OPA1: variants seen among roughly 807,000 people sequenced by gnomAD.
OPA1 encodes OPA1 mitochondrial dynamin like GTPase.
In OPA1, 59 loss-of-function variants were observed where a neutral mutation model predicts 152.9. That is an observed-to-expected ratio of 0.39 (90% CI 0.31 to 0.48). The LOEUF is 0.48. Ranked by LOEUF, OPA1 falls within the 20% of genes least tolerant of loss-of-function variation. The pLI is 0.96. For missense variants in OPA1, 1,008 were observed against 1,216.8 expected (o/e 0.83, Z 2.55); for synonymous variants, 400 against 389.9 (o/e 1.03, Z -0.31).
rs1022524955 is a variant in OPA1 at position 193,617,787 on chromosome 3, A to G, written c.560A>G (p.His187Arg). Residue 187 changes from histidine to arginine, a missense_variant, in exon 5 of 31, where the codon CAC becomes CGC. Physicochemically the swap from His to Arg is conservative, Grantham distance 29. Coordinates refer to ENST00000361510, the MANE Select transcript of OPA1 (RefSeq NM_130837.3). ...CCCTTTTGCTGATTTTTCACAGGTC[A>G]CAAATTGGTTAGTGAAGTCATAGGA... is the stretch of plus-strand genomic sequence containing the variant. ...SLLKDFFTSG[H>R]KLVSEVIGAS... 4 of 1,611,408 alleles carry G rather than the reference A, an allele frequency of 2.5e-6. No homozygotes were observed. The highest frequency in any genetic ancestry group is 2.2e-5 in the South Asian group (2 of 90,998).
At chr3:193,604,099 T>C (rs1246910426) in intron 1 of OPA1, among the ~76,000 whole-genome samples, 2 of 152,242 alleles carry the variant, frequency 1.3e-5, no homozygotes, top group African/African-American at 4.8e-5. Context: ...AAACCAGATC[T>C]GATGAAGCTT....
At position 193,662,885 on chromosome 3, in the gene OPA1, G is replaced by A; in HGVS notation, c.2584G>A (p.Ala862Thr). Reference sequence around the variant, plus strand: ...GTTGAAATGTAATGAGGAGCACCCAGCTTATCTTGCAAGTGATGAAATAAC... The same window carrying A: ...GTTGAAATGTAATGAGGAGCACCCAACTTATCTTGCAAGTGATGAAATAAC... Reference protein sequence around the residue: ...KMLKCNEEHPAYLASDEITTV... With the variant: ...KMLKCNEEHPTYLASDEITTV... The change falls in exon 26 of 31, where the codon GCT becomes ACT. Residue 862 changes from alanine to threonine, a missense_variant. Physicochemically the swap from Ala to Thr is moderately conservative, Grantham distance 58. Coordinates refer to ENST00000361510, the MANE Select transcript of OPA1 (RefSeq NM_130837.3). The A allele has an allele frequency of 6.2e-7, 1 of 1,613,508 alleles. No individual in the cohort carries two copies. Among genetic ancestry groups the A allele is most frequent in the East Asian group, 2.2e-5 (1 of 44,860 alleles).
At chr3:193,627,977 T>C (rs911168503) in intron 7 of OPA1, among the ~76,000 whole-genome samples, 4 of 152,114 alleles carry the variant, frequency 2.6e-5, no homozygotes, top group Non-Finnish European at 4.4e-5. Flanking sequence ...AAAAGCAATT[T>C]ATGCTCTTTT....
intron 29 of OPA1, among the ~76,000 whole-genome samples, chr3:193,682,628 T>C (rs1000581131): frequency 1.6e-4 from 24 of 152,210 alleles, no homozygotes; most frequent in African/African-American, 5.8e-4. Context: ...CTGAAAATCC[T>C]AGGGCCCTTA....
rs141017694 is a variant in OPA1 at position 193,682,430 on chromosome 3, AC to A, written c.2984-9632del. Among the ~76,000 whole-genome samples, 467 of 152,334 alleles carry A rather than the reference AC, an allele frequency of 3.1e-3. 3 individuals are homozygous for A. Among genetic ancestry groups the A allele is most frequent in the South Asian group, 0.017 (81 of 4,826 alleles). ...TAAGATAATTGATGAAGGTGATTAT[AC>A]TAAACAACAGATTCTTGATGCAGAT... On this transcript the variant is annotated intron_variant, in intron 29 of 30. Coordinates refer to ENST00000361510, the MANE Select transcript of OPA1 (RefSeq NM_130837.3).
chr3:193,646,379 G>A (rs905657177), intron 18 of OPA1: 5 of 154,128 alleles, frequency 3.2e-5, no homozygotes, highest in African/African-American at 1.2e-4. Context: ...ATATAGAACT[G>A]TGCTGTCTAA....
At chr3:193,645,058 G>A (rs1734336977) in intron 16 of OPA1, among the ~76,000 whole-genome samples, 1 of 151,688 alleles carries the variant, frequency 6.6e-6, no homozygotes, top group African/African-American at 2.4e-5. Flanking sequence ...AGAAGCAGTG[G>A]ATCCAAATAT....
rs757336258 is a variant in OPA1, at chr3:193,689,412, T to C, written c.2984-2651T>C. On this transcript the variant is annotated intron_variant, in intron 29 of 30. Transcript: ENST00000361510. ...GGCATGGTAGTACTGTGTCCTGATA[T>C]TCTAATCGTAAATATTTAAGGGAAA... is the stretch of plus-strand genomic sequence containing the variant. Among the ~76,000 whole-genome samples the C allele has an allele frequency of 3.9e-5, 6 of 152,360 alleles. No individual in the cohort carries two copies. In the East Asian group the frequency reaches 7.7e-4, roughly 20 times the overall value.
intron 29 of OPA1, among the ~76,000 whole-genome samples, chr3:193,676,046 T>C (rs1380245164): frequency 6.6e-6 from 1 of 152,182 alleles, no homozygotes; most frequent in African/African-American, 2.4e-5. Flanking sequence ...CAGTCTGGCT[T>C]TCATCTATAT....
At chr3:193,641,673 G>A (rs943915357) in intron 11 of OPA1, among the ~76,000 whole-genome samples, 1 of 152,188 alleles carries the variant, frequency 6.6e-6, no homozygotes, top group Non-Finnish European at 1.5e-5. Context: ...TCCAACAGCT[G>A]TTTATTGTTT....
chr3:193,614,902 G>A lies in OPA1; in HGVS notation c.212G>A (p.Arg71His), dbSNP rs766106312. 31 of 1,613,688 alleles carry A rather than the reference G, an allele frequency of 1.9e-5. No homozygotes were observed. Among genetic ancestry groups the A allele is most frequent in the Middle Eastern group, 1.6e-4 (1 of 6,084 alleles). Residue 71 changes from arginine (R) to histidine (H), a missense_variant, in exon 2 of 31, where the codon CGT (arginine) becomes CAT (histidine). Coordinates refer to ENST00000361510, the MANE Select transcript of OPA1 (RefSeq NM_130837.3). Reference sequence around the variant, plus strand: ...TCTTCTCTGACAAACCTTCCTTTACGTAAACTGAAATTCTCTCCAATTAAA... The same window carrying A: ...TCTTCTCTGACAAACCTTCCTTTACATAAACTGAAATTCTCTCCAATTAAA... ...QFSSLTNLPL[R>H]KLKFSPIKYG... is the part of the protein sequence containing the mutation.
At chr3:193,597,782 T>TC (rs1725844614) in intron 1 of OPA1, among the ~76,000 whole-genome samples, 2 of 151,836 alleles carry the variant, frequency 1.3e-5, no homozygotes, top group South Asian at 4.2e-4. Context: ...GTACTTTTTT[T>TC]CCCCCTTTTA....
In OPA1 at chr3:193,697,495, G is replaced by A. The variant is rs1181149476; in HGVS notation, c.*2895G>A. 6.6e-6 allele frequency: 1 copy of A among 152,172 alleles called. No homozygotes were observed. Among genetic ancestry groups the A allele is most frequent in the Non-Finnish European group, 1.5e-5 (1 of 68,032 alleles). 9.4% of individuals were successfully genotyped at this position (152,172 alleles called of 1,614,324 possible). On this transcript the variant is annotated 3_prime_UTR_variant, in exon 31 of 31. Coordinates refer to ENST00000361510, the MANE Select transcript of OPA1 (RefSeq NM_130837.3). ...CTGAGCTTGATCAAAGGTCATTTGT[G>A]TAGATGAGTAATTAAAAAATATTTA...
At chr3:193,654,755 A>C (rs1713391382) in intron 21 of OPA1, 107 bp from the exon 22 acceptor site, 1 of 1,222,992 alleles carries the variant, frequency 8.2e-7, no homozygotes, top group Non-Finnish European at 1.2e-6. Context: ...ACTTATCAAA[A>C]TTTTAAATAT....
intron 1 of OPA1, among the ~76,000 whole-genome samples, chr3:193,612,816 G>T (rs1728462471): frequency 3.9e-5 from 6 of 152,220 alleles, no homozygotes; most frequent in Admixed American, 3.3e-4. Flanking sequence ...ATCCAATCCA[G>T]TTAATTATCA....
intron 8 of OPA1, 141 bp downstream of exon 8, chr3:193,631,806 A>G (rs1449819666): frequency 4.2e-6 from 3 of 712,568 alleles, no homozygotes; most frequent in Non-Finnish European, 7.5e-6. Context: ...CGATAGATGC[A>G]AAAGCTAATT....
intron 8 of OPA1, among the ~76,000 whole-genome samples, chr3:193,634,436 C>T (rs1000720159): frequency 2.6e-5 from 4 of 151,904 alleles, no homozygotes; most frequent in African/African-American, 9.7e-5. Flanking sequence ...TCTGATTTGT[C>T]TTCCCAGCTT....
chr3:193,620,750 C>A (rs1311239852), intron 6 of OPA1, among the ~76,000 whole-genome samples: 1 of 152,004 alleles, frequency 6.6e-6, no homozygotes, highest in African/African-American at 2.4e-5. Flanking sequence ...TGTCTCAAGC[C>A]CCAACTGATG....
intron 1 of OPA1, among the ~76,000 whole-genome samples, chr3:193,597,179 T>C (rs1426286031): frequency 6.6e-6 from 1 of 152,088 alleles, no homozygotes; most frequent in African/African-American, 2.4e-5. Context: ...CCTTGATGAG[T>C]TCCCAACATT....
Sources: allele counts gnomAD v4.1 joint callset (sites outside exome capture counted in the v4.1 genomes callset), GRCh38; gene constraint gnomAD v4.1.1; transcripts MANE v1.5; gene names NCBI Gene and HGNC (gene_info 2026-07-23, HGNC 2026-07-21).